SRGAP3: variants seen among roughly 807,000 people sequenced by gnomAD.
SRGAP3 encodes SLIT-ROBO Rho GTPase-activating protein 3.
In SRGAP3, 39 loss-of-function variants were observed where a neutral mutation model predicts 121.1. The observed-to-expected ratio is 0.32, with a 90% CI of 0.25 to 0.42. The LOEUF is 0.42. Ranked by LOEUF, SRGAP3 falls within the 10% of genes least tolerant of loss-of-function variation. SRGAP3 has a pLI of 1.00. For missense variants in SRGAP3, 1,213 were observed against 1,470.6 expected (o/e 0.82, Z 2.86); for synonymous variants, 601 against 570.0 (o/e 1.05, Z -0.77).
intron 3 of SRGAP3, among the ~76,000 whole-genome samples, chr3:9,303,483 T>C (rs1955103680): frequency 6.6e-6 from 1 of 151,892 alleles, no homozygotes; most frequent in Non-Finnish European, 1.5e-5. Flanking sequence ...GATTTTCCAG[T>C]ACACAATACA....
intron 18 of SRGAP3, among the ~76,000 whole-genome samples, chr3:8,998,791 G>A (rs541144267): frequency 1.1e-4 from 17 of 152,226 alleles, no homozygotes; most frequent in African/African-American, 3.9e-4. Flanking sequence ...GGTACCAGGT[G>A]TTCTACTTAC....
chr3:9,270,183 T>C (rs1418447607), intron 3 of SRGAP3, among the ~76,000 whole-genome samples: 5 of 152,216 alleles, frequency 3.3e-5, no homozygotes, highest in African/African-American at 1.2e-4. Context: ...TGAGCACAGT[T>C]GTTTTGAAGG....
At chr3:8,992,480 A>G (rs1247008201) in intron 20 of SRGAP3, 2 of 350,750 alleles carry the variant, frequency 5.7e-6, no homozygotes, top group South Asian at 4.1e-5. Flanking sequence ...CCTTCAACAC[A>G]TGAGTAGGTG....
chr3:9,355,707 T>C (rs566475133), intron 1 of SRGAP3: 4 of 152,396 alleles, frequency 2.6e-5, no homozygotes, highest in African/African-American at 9.6e-5. Flanking sequence ...CTAATGCTTA[T>C]TACCACAGAA....
chr3:9,022,522 G>A (rs1574925801), intron 14 of SRGAP3, among the ~76,000 whole-genome samples: 1 of 152,336 alleles, frequency 6.6e-6, no homozygotes, highest in South Asian at 2.1e-4. Flanking sequence ...CTGACGGCCA[G>A]GAAGAGGGAA....
rs1342391526 is a variant in SRGAP3 at position 8,990,655 on chromosome 3, C to T, written c.2743G>A (p.Ala915Thr). The change falls in exon 21 of 22, where the codon GCG becomes ACG. Residue 915 changes from alanine to threonine, a missense_variant. Physicochemically the swap from Ala to Thr is moderately conservative, Grantham distance 58. Around this residue, in one of 2 missense-constraint regions of SRGAP3, gnomAD observed 420 missense variants for 437.7 expected, o/e 0.96. Coordinates refer to ENST00000383836, the MANE Select transcript of SRGAP3 (RefSeq NM_014850.4). ...RIESPEKRRM[A>T]TFGSAGSINY... ...ATGCTGCCAGCGCTCCCGAACGTCG[C>T]CATCCTCCGCTTCTCAGGGCTCTCG... 6 of 1,613,582 alleles carry T rather than the reference C, an allele frequency of 3.7e-6. No individual in the cohort carries two copies. In the East Asian group the frequency reaches 1.1e-4, roughly 30 times the overall value.
chr3:9,182,349 A>G (rs949139806), intron 1 of SRGAP3, among the ~76,000 whole-genome samples: 35 of 152,066 alleles, frequency 2.3e-4, no homozygotes, highest in Admixed American at 3.9e-4. Context: ...AAAAGGGGAA[A>G]TTTGGACAGA....
intron 3 of SRGAP3, among the ~76,000 whole-genome samples, chr3:9,265,555 C>T (rs372834499): frequency 3.3e-5 from 5 of 151,708 alleles, no homozygotes; most frequent in East Asian, 3.8e-4. Flanking sequence ...AAAAAGTGGG[C>T]GAAGGATATG....
intron 1 of SRGAP3, chr3:9,348,896 G>A (rs2029897954): frequency 1.1e-5 from 12 of 1,084,568 alleles, no homozygotes; most frequent in Middle Eastern, 2.0e-4. Flanking sequence ...ACCCTCCTGT[G>A]AGAGTCTGAA....
chr3:9,362,146 C>T (rs564604962), intron 1 of SRGAP3, among the ~76,000 whole-genome samples: 1 of 149,606 alleles, frequency 6.7e-6, no homozygotes, highest in South Asian at 2.1e-4. Flanking sequence ...AAAATGGCTA[C>T]CATGCAGGTT....
chr3:9,109,532 C>T lies in SRGAP3; in HGVS notation c.261-4690G>A, dbSNP rs771753625. On this transcript the variant is annotated intron_variant, in intron 2 of 21. Transcript: ENST00000383836. The surrounding 1 kb of genome is among the most constrained non-coding windows in gnomAD (Gnocchi z 4.4). ...CCTTCCAGCCCTCGTTCACTCCTTG[C>T]GTTTGTGTGTCTGTGCTGGGCAGGA... 2.7e-4 allele frequency among the ~76,000 whole-genome samples: 41 copies of T among 152,184 alleles called. No homozygotes were observed. The highest frequency in any genetic ancestry group is 3.9e-4 in the Admixed American group (6 of 15,282).
chr3:9,222,379 T>C (rs1380958248), intron 1 of SRGAP3, among the ~76,000 whole-genome samples: 1 of 152,206 alleles, frequency 6.6e-6, no homozygotes, highest in Non-Finnish European at 1.5e-5. Context: ...CCCTCCTTCC[T>C]GGTCCCAGGC....
At chr3:9,246,154 A>C (rs1174915821) in intron 1 of SRGAP3, among the ~76,000 whole-genome samples, 2 of 152,230 alleles carry the variant, frequency 1.3e-5, no homozygotes, top group African/African-American at 2.4e-5. Context: ...TGTTAGGTCT[A>C]TAAATTCTTG....
intron 20 of SRGAP3, 59 bp downstream of exon 20, chr3:8,992,847 C>T: frequency 6.2e-7 from 1 of 1,613,698 alleles, no homozygotes; most frequent in Non-Finnish European, 8.5e-7. Context: ...GTGCTTCTCC[C>T]AAATCAGACA....
intron 3 of SRGAP3, among the ~76,000 whole-genome samples, chr3:9,294,722 G>GTGTGTGTA (rs1954923950): frequency 1.3e-5 from 2 of 151,236 alleles, no homozygotes; most frequent in African/African-American, 4.9e-5. Context: ...GTGTGTGTGT[G>GTGTGTGTA]TGTGTGTGTG....
intron 6 of SRGAP3, 189 bp from the exon 7 acceptor site, chr3:9,058,661 G>T: frequency 1.9e-6 from 1 of 539,430 alleles, no homozygotes; most frequent in Non-Finnish European, 3.4e-6. Flanking sequence ...TTGCGGTTGA[G>T]ATTTGGGCAA....
intron 1 of SRGAP3, among the ~76,000 whole-genome samples, chr3:9,152,533 G>A (rs185569630): frequency 6.6e-6 from 1 of 152,232 alleles, no homozygotes; most frequent in Non-Finnish European, 1.5e-5. Context: ...AAGTGAGCAG[G>A]GGGAGGAAGC....
At chr3:9,158,581 A>T (rs1197238511) in intron 1 of SRGAP3, among the ~76,000 whole-genome samples, 1 of 152,204 alleles carries the variant, frequency 6.6e-6, no homozygotes. Context: ...ATTATCCCAT[A>T]TCACCTGCAG....
At chr3:9,111,152 T>C (rs977932193) in intron 2 of SRGAP3, among the ~76,000 whole-genome samples, 5 of 152,208 alleles carry the variant, frequency 3.3e-5, no homozygotes, top group African/African-American at 1.2e-4. Flanking sequence ...CCTGCCTTCA[T>C]GGAGCAGACA....
Sources: allele counts gnomAD v4.1 joint callset (sites outside exome capture counted in the v4.1 genomes callset), GRCh38; gene constraint gnomAD v4.1.1; regional missense constraint gnomAD v4.1.1; non-coding constraint Gnocchi (gnomAD v3.1); transcripts MANE v1.5; gene names NCBI Gene and HGNC (gene_info 2026-07-23, HGNC 2026-07-21).